DMD: variants seen among roughly 807,000 people sequenced by gnomAD.
The protein encoded by DMD is mutant dystrophin.
Under a neutral mutation model 330.1 loss-of-function variants are expected in DMD, and 63 were observed. The observed-to-expected ratio is 0.19, with a 90% confidence interval of 0.16 to 0.24. The LOEUF is 0.24. DMD is among the 10% of genes least tolerant of loss of function. The probability of loss-of-function intolerance (pLI) is 1.00; values close to 1 mark genes in which losing one functional copy is unlikely to be tolerated. For synonymous variants in DMD, 1,223 were observed against 959.8 expected, an observed-to-expected ratio of 1.27 and a Z score of -5.07; for missense variants, 3,344 against 2,684.1, an observed-to-expected ratio of 1.25 and a Z score of -5.43.
intron 4 of DMD, among the ~76,000 whole-genome samples, chrX:32,826,512 C>T (rs1481951620): frequency 9.0e-6 from 1 of 111,173 alleles, no homozygotes; most frequent in African/African-American, 3.3e-5. Context: ...GAATACTACT[C>T]GGACTTAAAA....
intron 1 of DMD, among the ~76,000 whole-genome samples, chrX:33,221,157 T>C (rs774163605): frequency 5.4e-5 from 6 of 111,636 alleles, no homozygotes; most frequent in African/African-American, 9.7e-5. Flanking sequence ...GTGGAATAAA[T>C]GTGTATTTAT....
intron 60 of DMD, among the ~76,000 whole-genome samples, chrX:31,350,628 T>TGAGA (rs1399768420): frequency 1.4e-3 from 72 of 52,681 alleles, no homozygotes; most frequent in Admixed American, 4.6e-3. Flanking sequence ...TGTGTGTGTG[T>TGAGA]GTGTGAGAGA....
At chrX:31,554,023 T>C (rs1569551064) in intron 55 of DMD, among the ~76,000 whole-genome samples, 2 of 112,485 alleles carry the variant, frequency 1.8e-5, no homozygotes, top group East Asian at 2.8e-4. Flanking sequence ...ATTGTTGAAA[T>C]TGCCTTCGCC....
chrX:32,206,023 C>T, intron 44 of DMD: 5 of 495,449 alleles, frequency 1.0e-5, no homozygotes, highest in Non-Finnish European at 1.8e-5. Context: ...TCTTTAAGAA[C>T]GGTCAGTTTA....
chrX:31,972,608 A>G (rs5927908), intron 44 of DMD, among the ~76,000 whole-genome samples: 19,170 of 110,813 alleles, frequency 0.17, 2,032 homozygotes, highest in African/African-American at 0.4. Flanking sequence ...CAGAAGAGAT[A>G]AAATGCAACT....
At position 31,496,803 on chromosome X, in the gene DMD, C is replaced by T. The variant is rs887532907; in HGVS notation, c.8532G>A (p.Gln2844=). The change falls in exon 57 of 79, where the codon CAG becomes CAA. Residue 2844 remains glutamine, a synonymous_variant. Coordinates refer to ENST00000357033, the MANE Select transcript of DMD (RefSeq NM_004006.3). The part of the protein sequence containing the change: ...IGGDFPAVQK[Q]NDVHRAFKRE... ...AATGTCCTACCCTATGTACATCGTT[C>T]TGCTTCTGAACTGCTGGAAAGTCGC... The T allele has an allele frequency of 1.6e-5, 20 of 1,212,197 alleles. No homozygotes were observed. The highest frequency in any genetic ancestry group is 2.1e-5 in the Non-Finnish European group (19 of 895,636).
intron 17 of DMD, among the ~76,000 whole-genome samples, chrX:32,543,826 T>C (rs955131983): frequency 1.8e-5 from 2 of 111,501 alleles, no homozygotes; most frequent in East Asian, 2.8e-4. Context: ...TGTGATAGGA[T>C]AGGTAATAAA....
chrX:32,205,235 C>G (rs1202111189), intron 44 of DMD, among the ~76,000 whole-genome samples: 1 of 100,063 alleles, frequency 1.0e-5, no homozygotes, highest in African/African-American at 3.8e-5. Context: ...CAAAACAAAA[C>G]CAACAATAAA....
chrX:33,040,463 C>T (rs1236346304), intron 1 of DMD, among the ~76,000 whole-genome samples: 2 of 110,791 alleles, frequency 1.8e-5, no homozygotes, highest in East Asian at 2.9e-4. Flanking sequence ...TCTGTTACCA[C>T]TAGGGGAGAG....
intron 2 of DMD, among the ~76,000 whole-genome samples, chrX:33,012,282 C>CA (rs1484413804): frequency 9.0e-6 from 1 of 111,403 alleles, no homozygotes; most frequent in East Asian, 2.8e-4. Context: ...ATCTTGATTC[C>CA]AAACACAAAC....
intron 48 of DMD, among the ~76,000 whole-genome samples, chrX:31,861,889 A>T (rs2093710151): frequency 9.8e-6 from 1 of 101,664 alleles, no homozygotes; most frequent in Non-Finnish European, 2.0e-5. Flanking sequence ...CAGAAACAGT[A>T]TTTATAGTAT....
chrX:31,469,309 T>C (rs2067124075), intron 59 of DMD, among the ~76,000 whole-genome samples: 1 of 111,895 alleles, frequency 8.9e-6, no homozygotes, highest in South Asian at 3.7e-4. Flanking sequence ...CTGGTACCAG[T>C]TTTTCCTTTC....
chrX:32,755,122 C>T (rs2071337669), intron 7 of DMD: 1 of 110,818 alleles, frequency 9.0e-6, no homozygotes, highest in African/African-American at 3.3e-5. Flanking sequence ...GAAGAATTGC[C>T]CATGTATCTG....
rs745897448 is a variant in DMD, at chrX:32,297,171, T to A, written c.6118-9470A>T. Among the ~76,000 whole-genome samples the A allele has an allele frequency of 3.6e-5, 4 of 111,512 alleles. No individual in the cohort carries two copies. The South Asian group carries it at 1.5e-3, about 42-fold the overall frequency. ...TCTCTCTCTGTGTCTGACAGCTACA[T>A]CGCTGTATTCATTCATTAACTCAAG... On this transcript the variant is annotated intron_variant, in intron 42 of 78. Transcript: ENST00000357033.
intron 7 of DMD, among the ~76,000 whole-genome samples, chrX:32,792,010 T>C (rs2075856347): frequency 8.9e-6 from 1 of 111,740 alleles, no homozygotes; most frequent in Admixed American, 9.5e-5. Context: ...TTGTCACTTA[T>C]AAAGAAACCT....
intron 2 of DMD, among the ~76,000 whole-genome samples, chrX:32,943,500 A>G (rs1204364490): frequency 1.8e-5 from 2 of 111,457 alleles, no homozygotes; most frequent in African/African-American, 6.5e-5. Context: ...TATCAATGCA[A>G]TCACCTGTAA....
At chrX:31,146,215 C>A (rs1172933583) in intron 76 of DMD, 76 bp downstream of exon 76, 17 of 1,124,022 alleles carry the variant, frequency 1.5e-5, no homozygotes, top group Non-Finnish European at 1.8e-5. Flanking sequence ...ACACTTACGG[C>A]CAAATATTCA....
chrX:31,975,843 C>T (rs775845462), intron 44 of DMD, among the ~76,000 whole-genome samples: 2 of 111,700 alleles, frequency 1.8e-5, no homozygotes, highest in Non-Finnish European at 3.8e-5. Context: ...ATAGAAAAAG[C>T]CAACAAAATT....
chrX:32,930,225 G>C (rs974841108), intron 2 of DMD, among the ~76,000 whole-genome samples: 1 of 111,001 alleles, frequency 9.0e-6, no homozygotes, highest in African/African-American at 3.3e-5. Flanking sequence ...AACCAGAATA[G>C]TTGTATAGGT....
Sources: gnomAD v4.1 joint callset for allele counts (sites outside exome capture counted in the v4.1 genomes callset) on GRCh38, gnomAD v4.1.1 for gene constraint, MANE v1.5 for transcripts, NCBI Gene and HGNC (gene_info 2026-07-23, HGNC 2026-07-21) for gene names.